Variants in SAXO1 observed in about 807,000 individuals in gnomAD.
The protein encoded by SAXO1 is stabilizer of axonemal microtubules 1, also known as 4930500O09Rik.
Under a neutral mutation model 17.5 loss-of-function variants are expected in SAXO1, and 21 were observed. The observed-to-expected ratio is 1.20, with a 90% CI of 0.85 to 1.72. The LOEUF is 1.72. SAXO1 is among the 40% of genes most tolerant of loss of function. SAXO1 has a pLI of 0.00. For synonymous variants in SAXO1, 274 were observed against 216.5 expected (o/e 1.27, Z -2.33); for missense variants, 843 against 596.0 (o/e 1.41, Z -4.32).
chr9:18,983,415 C>T (rs1011917133), intron 1 of SAXO1, among the ~76,000 whole-genome samples: 7 of 152,212 alleles, frequency 4.6e-5, no homozygotes, highest in Admixed American at 2.6e-4. Flanking sequence ...CCTCCCTCAA[C>T]ATGTAGGCAT....
intron 1 of SAXO1, among the ~76,000 whole-genome samples, chr9:19,044,737 C>T (rs1431541980): frequency 6.6e-6 from 1 of 151,876 alleles, no homozygotes; most frequent in Admixed American, 6.6e-5. Context: ...GTGGCGGGCG[C>T]CTGTAGTCCC....
chr9:19,009,993 A>AT (rs1270428921), intron 1 of SAXO1, among the ~76,000 whole-genome samples: 2 of 151,956 alleles, frequency 1.3e-5, no homozygotes, highest in African/African-American at 2.4e-5. Context: ...CATCTGGCTA[A>AT]TTTTTTTGTA....
In SAXO1 at chr9:19,046,585, C is replaced by A. The variant is rs1202453545; in HGVS notation, c.-158+2624G>T. Among the ~76,000 whole-genome samples, 5 of 152,240 alleles carry A rather than the reference C, an allele frequency of 3.3e-5. No individual in the cohort carries two copies. The South Asian group carries it at 1.0e-3, about 32-fold the overall frequency. On this transcript the variant is annotated intron_variant, in intron 1 of 3. Coordinates refer to the SAXO1 transcript ENST00000542071. ...GACAAGGTGGCACATGCCTGCAATC[C>A]CAGCTACTTGGGAGGCTGAGGCAGA...
chr9:19,027,888 T>G, intron 1 of SAXO1: 1 of 1,368,974 alleles, frequency 7.3e-7, no homozygotes, highest in Non-Finnish European at 1.0e-6. Context: ...GACCGCAAGA[T>G]CGAGTGCCTG....
chr9:18,971,560 G>T (rs1427057455), intron 1 of SAXO1, among the ~76,000 whole-genome samples: 1 of 152,044 alleles, frequency 6.6e-6, no homozygotes, highest in Non-Finnish European at 1.5e-5. Context: ...ACAAGCATGT[G>T]ATTCTTAGGG....
At chr9:18,987,329 A>C (rs1439580875) in intron 1 of SAXO1, among the ~76,000 whole-genome samples, 1 of 152,162 alleles carries the variant, frequency 6.6e-6, no homozygotes, top group Non-Finnish European at 1.5e-5. Context: ...GAACTGCAGG[A>C]TGGCAACAGC....
chr9:19,019,209 C>T (rs559932998), intron 1 of SAXO1, among the ~76,000 whole-genome samples: 2 of 152,280 alleles, frequency 1.3e-5, no homozygotes, highest in South Asian at 4.1e-4. Context: ...CCATAGCTCT[C>T]TGTAGAAGCC....
At chr9:18,969,072 C>G (rs1396153482) in intron 1 of SAXO1, among the ~76,000 whole-genome samples, 1 of 150,134 alleles carries the variant, frequency 6.7e-6, no homozygotes, top group Non-Finnish European at 1.5e-5. Context: ...TTTTTTTTGT[C>G]TAAATTAAGG....
intron 1 of SAXO1, among the ~76,000 whole-genome samples, chr9:18,972,900 T>C (rs1452400193): frequency 6.6e-6 from 1 of 152,070 alleles, no homozygotes; most frequent in Non-Finnish European, 1.5e-5. Flanking sequence ...GGAGGCAAAG[T>C]CCATTCACAG....
intron 1 of SAXO1, among the ~76,000 whole-genome samples, chr9:19,001,495 G>A (rs564663905): frequency 1.4e-3 from 220 of 152,094 alleles, no homozygotes; most frequent in African/African-American, 4.8e-3. Context: ...GTGAAACCCC[G>A]TCTCTACTAA....
chr9:19,015,846 T>A (rs1834953359), intron 1 of SAXO1, among the ~76,000 whole-genome samples: 1 of 152,132 alleles, frequency 6.6e-6, no homozygotes. Flanking sequence ...AGTAACCATG[T>A]GTTTTTTAAA....
intron 1 of SAXO1, among the ~76,000 whole-genome samples, chr9:19,043,169 C>G (rs1032172805): frequency 1.3e-5 from 2 of 151,804 alleles, no homozygotes; most frequent in African/African-American, 4.8e-5. Context: ...AAAACCCTGT[C>G]CCCCCAAAAA....
At chr9:19,018,805 T>G (rs1386421070) in intron 1 of SAXO1, among the ~76,000 whole-genome samples, 1 of 152,222 alleles carries the variant, frequency 6.6e-6, no homozygotes, top group Non-Finnish European at 1.5e-5. Context: ...ATGTTAAATA[T>G]AGCTGCCTTA....
At chr9:18,950,328 T>G (rs1831977782) in intron 2 of SAXO1, among the ~76,000 whole-genome samples, 1 of 152,148 alleles carries the variant, frequency 6.6e-6, no homozygotes, top group Non-Finnish European at 1.5e-5. Context: ...AAGCTCATTT[T>G]TTCTCTATTG....
chr9:18,972,909 A>G (rs943045484), intron 1 of SAXO1, among the ~76,000 whole-genome samples: 1 of 152,206 alleles, frequency 6.6e-6, no homozygotes, highest in African/African-American at 2.4e-5. Flanking sequence ...GTCCATTCAC[A>G]GAAAGTAGTG....
chr9:19,000,566 C>T (rs62560402), intron 1 of SAXO1, among the ~76,000 whole-genome samples: 6,358 of 152,236 alleles, frequency 0.042, 154 homozygotes, highest in Non-Finnish European at 0.058. Context: ...TCTGCCCATA[C>T]GCCCCACCAT....
intron 1 of SAXO1, among the ~76,000 whole-genome samples, chr9:18,991,788 C>T (rs1181407241): frequency 1.3e-5 from 2 of 152,118 alleles, no homozygotes; most frequent in Admixed American, 6.5e-5. Context: ...ATCTCCTACC[C>T]CCACCTGCCA....
At chr9:18,959,118 C>G (rs1201060224) in intron 1 of SAXO1, among the ~76,000 whole-genome samples, 1 of 152,114 alleles carries the variant, frequency 6.6e-6, no homozygotes, top group East Asian at 1.9e-4. Flanking sequence ...GACAAGGACT[C>G]AGTGCTGAAG....
At chr9:18,997,478 G>C (rs375454503) in intron 1 of SAXO1, among the ~76,000 whole-genome samples, 3 of 152,254 alleles carry the variant, frequency 2.0e-5, no homozygotes, top group Non-Finnish European at 4.4e-5. Flanking sequence ...ACTGGGCAGA[G>C]CCCACCACAG....
Sources: allele counts gnomAD v4.1 joint callset (sites outside exome capture counted in the v4.1 genomes callset), GRCh38; gene constraint gnomAD v4.1.1; transcripts MANE v1.5; gene names NCBI Gene and HGNC (gene_info 2026-07-23, HGNC 2026-07-21).